STOX2: variants seen among roughly 807,000 people sequenced by gnomAD.
The protein encoded by STOX2 is storkhead-box protein 2.
A neutral mutation model predicts 60.9 loss-of-function variants in STOX2; 28 were observed. The ratio of observed to expected loss-of-function variants is 0.46; its 90% confidence interval spans 0.34 to 0.63. The LOEUF (loss-of-function observed/expected upper bound fraction) is 0.63, where lower values mean the gene tolerates loss of function less well. Ranked by LOEUF, STOX2 falls within the 30% of genes least tolerant of loss-of-function variation. The pLI, the probability that STOX2 is intolerant of heterozygous loss-of-function variation, is 0.01. For synonymous variants in STOX2, 472 were observed against 463.9 expected, an observed-to-expected ratio of 1.02 and a Z score of -0.22; for missense variants, 1,024 against 1,187.7, an observed-to-expected ratio of 0.86 and a Z score of 2.03.
At chr4:183,992,081 C>T (rs1733131622) in intron 1 of STOX2, among the ~76,000 whole-genome samples, 1 of 152,194 alleles carries the variant, frequency 6.6e-6, no homozygotes, top group Admixed American at 6.5e-5. Flanking sequence ...TCCTTTCTTT[C>T]ATGCCTCTGA....
At chr4:183,962,559 G>A (rs139496230) in intron 1 of STOX2, among the ~76,000 whole-genome samples, 1 of 152,260 alleles carries the variant, frequency 6.6e-6, no homozygotes, top group African/African-American at 2.4e-5. Context: ...AGGAGCAATG[G>A]CAAGTTCAAA....
chr4:184,005,270 G>A (rs1215452030), intron 2 of STOX2, among the ~76,000 whole-genome samples: 4 of 152,058 alleles, frequency 2.6e-5, no homozygotes, highest in African/African-American at 9.7e-5. Flanking sequence ...GACCAATGTG[G>A]CCAACATGAC....
rs796107005 is a variant in STOX2, at chr4:183,895,266, T to A, written c.364+97211T>A. Among the ~76,000 whole-genome samples, 9 of 152,330 alleles carry A rather than the reference T, an allele frequency of 5.9e-5. 1 individual carries two copies. The highest frequency in any genetic ancestry group is 2.2e-4 in the African/African-American group (9 of 41,566). On this transcript the variant is annotated intron_variant, in intron 1 of 2. Transcript: ENST00000513034. Reference sequence around the variant, plus strand: ...TCCTATATGAACATAAGGCATTATTTGTTTTTCCTTAGATAGAATTCTTAT... The same window carrying A: ...TCCTATATGAACATAAGGCATTATTAGTTTTTCCTTAGATAGAATTCTTAT...
intron 1 of STOX2, among the ~76,000 whole-genome samples, chr4:183,891,361 TATATATATATATATATA>T (rs1741209462): frequency 6.0e-3 from 8 of 1,328 alleles, no homozygotes; most frequent in Non-Finnish European, 0.013. Flanking sequence ...ATGGAATTTA[TATATATATATATATATA>T]TATATATATA....
chr4:183,816,268 C>T (rs969082343), intron 1 of STOX2, among the ~76,000 whole-genome samples: 1 of 152,136 alleles, frequency 6.6e-6, no homozygotes, highest in African/African-American at 2.4e-5. Context: ...GGAATCAACA[C>T]AAGTGCCCAT....
At chr4:183,935,937 C>T (rs1006967564) in intron 1 of STOX2, among the ~76,000 whole-genome samples, 1 of 152,206 alleles carries the variant, frequency 6.6e-6, no homozygotes, top group African/African-American at 2.4e-5. Flanking sequence ...ACTTTATATA[C>T]CCTGAAGCAT....
At chr4:183,876,779 G>T (rs779877691) in intron 1 of STOX2, among the ~76,000 whole-genome samples, 1 of 152,236 alleles carries the variant, frequency 6.6e-6, no homozygotes, top group African/African-American at 2.4e-5. Context: ...GGGGTTGCCA[G>T]GAAGGTCATG....
At chr4:183,889,093 A>C (rs1741147726) in intron 1 of STOX2, among the ~76,000 whole-genome samples, 1 of 151,978 alleles carries the variant, frequency 6.6e-6, no homozygotes, top group African/African-American at 2.4e-5. Flanking sequence ...AGGGAGTTAA[A>C]GGATCGTCCT....
intron 1 of STOX2, among the ~76,000 whole-genome samples, chr4:183,951,191 G>A (rs1285881320): frequency 1.0e-4 from 15 of 150,036 alleles, no homozygotes; most frequent in African/African-American, 3.4e-4. Context: ...CTCCAGCCTG[G>A]GCGACAGAGC....
At chr4:183,950,761 A>C (rs950487246) in intron 1 of STOX2, among the ~76,000 whole-genome samples, 2 of 152,204 alleles carry the variant, frequency 1.3e-5, no homozygotes, top group Non-Finnish European at 2.9e-5. Context: ...AACAGCTTGC[A>C]GAGAGCCTGC....
At chr4:183,944,651 T>A (rs891100101) in intron 1 of STOX2, among the ~76,000 whole-genome samples, 3 of 152,012 alleles carry the variant, frequency 2.0e-5, no homozygotes, top group African/African-American at 7.3e-5. Context: ...GAGGCGGAGG[T>A]TGCAGTGAGC....
intron 1 of STOX2, among the ~76,000 whole-genome samples, chr4:183,935,270 G>A (rs897504873): frequency 6.6e-6 from 1 of 152,188 alleles, no homozygotes; most frequent in Non-Finnish European, 1.5e-5. Context: ...AGTACCAGAG[G>A]CACTCTCTCA....
At chr4:183,839,015 G>GCA (rs147765256) in intron 1 of STOX2, among the ~76,000 whole-genome samples, 3,567 of 150,788 alleles carry the variant, frequency 0.024, 146 homozygotes, top group African/African-American at 0.083. Context: ...ACACGTGCAC[G>GCA]CGCGCGCGCA....
chr4:183,873,446 CAAAA>C (rs11453864), intron 1 of STOX2, among the ~76,000 whole-genome samples: 3 of 112,258 alleles, frequency 2.7e-5, no homozygotes, highest in Non-Finnish European at 3.6e-5. Flanking sequence ...AACTCTGTCT[CAAAA>C]AAAAAAAAAA....
intron 1 of STOX2, among the ~76,000 whole-genome samples, chr4:183,860,913 T>G (rs1740425683): frequency 6.6e-6 from 1 of 152,212 alleles, no homozygotes; most frequent in Admixed American, 6.5e-5. Flanking sequence ...CTGCCAAGCA[T>G]CTTCCTGTAG....
intron 1 of STOX2, among the ~76,000 whole-genome samples, chr4:183,930,928 G>T (rs1742403853): frequency 6.6e-6 from 1 of 152,092 alleles, no homozygotes; most frequent in African/African-American, 2.4e-5. Flanking sequence ...AAGCCATACT[G>T]GTTAAAATAG....
chr4:184,010,874 G>T lies in STOX2; in HGVS notation c.2036G>T (p.Arg679Leu). ...GGVAEGIANG[R>L]LVQHHGAEPS... is the part of the protein sequence containing the mutation. ...GTGGCTGAAGGGATCGCCAACGGACGCCTCGTCCAGCACCATGGTGCCGAG... is the reference window on the plus strand; with the variant it reads ...GTGGCTGAAGGGATCGCCAACGGACTCCTCGTCCAGCACCATGGTGCCGAG... The change falls in exon 3 of 4, where the codon CGC becomes CTC. Residue 679 changes from arginine (R) to leucine (L), a missense_variant. Transcript: ENST00000308497. This position sits in a 1 kb window ranked among gnomAD's most constrained non-coding sequence, Gnocchi z 4.5. 2 of 1,610,690 alleles carry T rather than the reference G, an allele frequency of 1.2e-6. 1 individual carries two copies.
Position 184,017,598 on chromosome 4 carries a change from C to A in STOX2, c.*314C>A. The A allele has an allele frequency of 5.4e-6, 1 of 186,502 alleles. No individual in the cohort carries two copies. The allele number at this position is 186,502 out of a possible 1,614,324, so 11.6% of individuals were successfully genotyped here. On this transcript the variant is annotated 3_prime_UTR_variant, in exon 4 of 4. Transcript: ENST00000308497. ...TGTAATACGCATTTTCAATGTCATG[C>A]AGTTGCCAATTCCATTTTAAAATGC...
chr4:183,804,135 A>T (rs1738830667), intron 1 of STOX2, among the ~76,000 whole-genome samples: 1 of 152,204 alleles, frequency 6.6e-6, no homozygotes, highest in African/African-American at 2.4e-5. Flanking sequence ...TTTATGATCT[A>T]ATCTAATCTT....
Sources: allele counts gnomAD v4.1 joint callset (sites outside exome capture counted in the v4.1 genomes callset), GRCh38; gene constraint gnomAD v4.1.1; non-coding constraint Gnocchi (gnomAD v3.1); transcripts MANE v1.5; gene names NCBI Gene and HGNC (gene_info 2026-07-23, HGNC 2026-07-21).